The following WASL variants were observed in gnomAD, a reference collection of about 807,000 sequenced individuals.
WASL encodes the protein actin nucleation-promoting factor WASL.
Under a neutral mutation model 55.5 loss-of-function variants are expected in WASL, and 20 were observed. The ratio of observed to expected loss-of-function variants is 0.36; its 90% CI spans 0.25 to 0.52. The LOEUF is 0.52. Ranked by LOEUF, WASL falls within the 20% of genes least tolerant of loss-of-function variation. WASL has a pLI of 0.92. For missense variants in WASL, 504 were observed against 622.5 expected (o/e 0.81, Z 2.03); for synonymous variants, 249 against 217.6 (o/e 1.14, Z -1.27).
At chr7:123,725,972 A>C (rs1804034293) in intron 1 of WASL, among the ~76,000 whole-genome samples, 1 of 152,194 alleles carries the variant, frequency 6.6e-6, no homozygotes, top group Non-Finnish European at 1.5e-5. Flanking sequence ...GTTTTAAGCA[A>C]ACATAAGTTC....
intron 1 of WASL, among the ~76,000 whole-genome samples, chr7:123,733,852 T>G (rs1221629470): frequency 1.5e-5 from 2 of 132,686 alleles, no homozygotes; most frequent in Non-Finnish European, 3.1e-5. Context: ...GCAAAGGCAA[T>G]CCAATAAAGA....
In WASL at chr7:123,711,294, A is replaced by C. The variant is rs758973199; in HGVS notation, c.118-2071T>G. Among the ~76,000 whole-genome samples, 5 of 152,138 alleles carry C rather than the reference A, an allele frequency of 3.3e-5. No homozygotes were observed. The East Asian group carries it at 5.8e-4, about 18-fold the overall frequency. ...AAAAAACAAAACAAAACAAAAAAAAACCCAAACTAAAAAACATTTTAACCT... is the reference window on the plus strand; with the variant it reads ...AAAAAACAAAACAAAACAAAAAAAACCCCAAACTAAAAAACATTTTAACCT... On this transcript the variant is annotated intron_variant, in intron 1 of 10. Coordinates refer to ENST00000223023, the MANE Select transcript of WASL (RefSeq NM_003941.4).
intron 4 of WASL, among the ~76,000 whole-genome samples, chr7:123,705,774 C>T (rs895285863): frequency 6.6e-6 from 1 of 152,088 alleles, no homozygotes; most frequent in African/African-American, 2.4e-5. Context: ...TAGTATATAG[C>T]ATTAGGAACA....
At chr7:123,748,529 C>T (rs945019103) in intron 1 of WASL, 89 bp downstream of exon 1, 5 of 1,438,678 alleles carry the variant, frequency 3.5e-6, no homozygotes, top group African/African-American at 2.9e-5. Flanking sequence ...GCGCCGCTCC[C>T]GCCTCCTTCC....
intron 10 of WASL, among the ~76,000 whole-genome samples, chr7:123,688,090 G>A (rs1403696496): frequency 6.6e-6 from 1 of 152,138 alleles, no homozygotes; most frequent in Non-Finnish European, 1.5e-5. Flanking sequence ...TGTTGGAGAA[G>A]CTATTTAGCA....
At chr7:123,734,647 C>G (rs1246268960) in intron 1 of WASL, among the ~76,000 whole-genome samples, 9 of 144,036 alleles carry the variant, frequency 6.2e-5, no homozygotes, top group Admixed American at 5.6e-4. Context: ...CAGGGAGGGG[C>G]GGGAGGAATA....
chr7:123,736,674 CA>C (rs969148943), intron 1 of WASL, among the ~76,000 whole-genome samples: 1 of 150,814 alleles, frequency 6.6e-6, no homozygotes, highest in South Asian at 2.1e-4. Context: ...TTTTGCACTT[CA>C]AAAAAAATGT....
At chr7:123,686,670 G>A (rs1037101706) in intron 10 of WASL, among the ~76,000 whole-genome samples, 3 of 152,032 alleles carry the variant, frequency 2.0e-5, no homozygotes, top group African/African-American at 7.2e-5. Context: ...GTTCACAGAA[G>A]CCTTACATTT....
intron 9 of WASL, among the ~76,000 whole-genome samples, chr7:123,690,192 T>C (rs761268905): frequency 2.0e-5 from 3 of 152,186 alleles, no homozygotes; most frequent in African/African-American, 4.8e-5. Context: ...AGCAATGTGA[T>C]AATGTAAAGC....
intron 1 of WASL, among the ~76,000 whole-genome samples, chr7:123,710,056 A>G (rs145863050): frequency 2.8e-4 from 42 of 152,258 alleles, no homozygotes; most frequent in Non-Finnish European, 4.4e-4. Flanking sequence ...CCTCAAGACT[A>G]TATCATGAAA....
At chr7:123,688,562 A>G (rs1431973085) in intron 10 of WASL, among the ~76,000 whole-genome samples, 3 of 152,136 alleles carry the variant, frequency 2.0e-5, no homozygotes, top group East Asian at 1.9e-4. Context: ...GAGTTTCTCC[A>G]TGTAGGCCAG....
In WASL at chr7:123,692,570, G is replaced by T. The variant is rs201757948; in HGVS notation, c.1124C>A (p.Pro375Gln). 5.4e-4 allele frequency: 874 copies of T among 1,613,036 alleles called. 1 individual carries two copies. The highest frequency in any genetic ancestry group is 8.2e-4 in the Admixed American group (49 of 59,946). ...VLGVGPVAPP[P>Q]PPPPPPPPGP... ...AGGAGGAGGTGGAGGTGGAGGCGGT[G>T]GGGGTGGTGCCACTGGCCCTACCCC... The change falls in exon 9 of 11, where the codon CCA becomes CAA. Residue 375 changes from proline (P) to glutamine (Q), a missense_variant. Physicochemically the swap from Pro to Gln is moderately conservative, Grantham distance 76. This residue lies in a region of WASL where 201 missense variants were observed against 206.2 expected (regional missense o/e 0.97). Coordinates refer to ENST00000223023, the MANE Select transcript of WASL (RefSeq NM_003941.4).
At chr7:123,737,257 T>C (rs1440546547) in intron 1 of WASL, among the ~76,000 whole-genome samples, 1 of 152,158 alleles carries the variant, frequency 6.6e-6, no homozygotes, top group Non-Finnish European at 1.5e-5. Context: ...GGGCCACGGG[T>C]TGGAAAAGCT....
intron 7 of WASL, 97 bp from the exon 8 acceptor site, chr7:123,694,965 A>C (rs995715308): frequency 3.7e-5 from 50 of 1,338,936 alleles, no homozygotes; most frequent in Non-Finnish European, 4.9e-5. Flanking sequence ...TATTTTGCCT[A>C]AACTTTTAAC....
chr7:123,690,753 T>C (rs887559773), intron 9 of WASL, among the ~76,000 whole-genome samples: 1 of 151,972 alleles, frequency 6.6e-6, no homozygotes, highest in Non-Finnish European at 1.5e-5. Flanking sequence ...CACCTTATTA[T>C]AGCTAAATGA....
intron 1 of WASL, among the ~76,000 whole-genome samples, chr7:123,715,023 C>T (rs1803816961): frequency 6.6e-6 from 1 of 152,068 alleles, no homozygotes; most frequent in Non-Finnish European, 1.5e-5. Flanking sequence ...ATTGAAGACA[C>T]AGATTTAATG....
At chr7:123,728,336 A>T (rs1282654916) in intron 1 of WASL, among the ~76,000 whole-genome samples, 1 of 152,236 alleles carries the variant, frequency 6.6e-6, no homozygotes, top group Non-Finnish European at 1.5e-5. Flanking sequence ...AACTGAGCAA[A>T]CTTATTTCTT....
In WASL at chr7:123,748,888, G is replaced by A. The variant is rs1584879308; in HGVS notation, c.-154C>T. 4.7e-6 allele frequency: 3 copies of A among 635,058 alleles called. No homozygotes were observed. Among genetic ancestry groups the A allele is most frequent in the South Asian group, 4.0e-5 (2 of 49,732 alleles). 39.3% of individuals were successfully genotyped at this position (635,058 alleles called of 1,614,324 possible). A position where few individuals can be genotyped will look rare whatever the true frequency, so the allele number is the denominator to read the frequency against. ...GAGCGGGGAGGAGGACGAGGTCGAG[G>A]GAAGCAGGCGCTGACGGCGAGCCAC... On this transcript the variant is annotated 5_prime_UTR_variant, in exon 1 of 11. Transcript: ENST00000223023.
rs200081792 is a variant in WASL, at chr7:123,692,574, G to T, written c.1120C>A (p.Pro374Thr). The change falls in exon 9 of 11, where the codon CCC (proline) becomes ACC (threonine). Residue 374 changes from proline to threonine, a missense_variant. By Grantham distance (38) the Pro-to-Thr change is conservative. Transcript: ENST00000223023. ...SVLGVGPVAP[P>T]PPPPPPPPPG... ...GGAGGTGGAGGTGGAGGCGGTGGGG[G>T]TGGTGCCACTGGCCCTACCCCCAAC... The T allele has an allele frequency of 1.1e-5, 17 of 1,612,902 alleles. No individual in the cohort carries two copies. The highest frequency in any genetic ancestry group is 1.4e-5 in the Non-Finnish European group (17 of 1,179,298).
Sources: allele counts gnomAD v4.1 joint callset (sites outside exome capture counted in the v4.1 genomes callset), GRCh38; gene constraint gnomAD v4.1.1; regional missense constraint gnomAD v4.1.1; transcripts MANE v1.5; gene names NCBI Gene and HGNC (gene_info 2026-07-23, HGNC 2026-07-21).